ATL3: variants seen among roughly 807,000 people sequenced by gnomAD.
ATL3 encodes atlastin GTPase 3.
A neutral mutation model predicts 69.5 loss-of-function variants in ATL3; 49 were observed. That is an observed-to-expected ratio of 0.71 (90% CI 0.56 to 0.89). ATL3 has a LOEUF of 0.89. ATL3 is among the 40% of genes least tolerant of loss of function. The pLI is 0.00. For synonymous variants in ATL3, 214 were observed against 224.1 expected (o/e 0.95, Z 0.40); for missense variants, 606 against 645.7 (o/e 0.94, Z 0.67).
At chr11:63,649,202 A>G (rs1009940625) in intron 5 of ATL3, among the ~76,000 whole-genome samples, 2 of 152,220 alleles carry the variant, frequency 1.3e-5, no homozygotes, top group Non-Finnish European at 2.9e-5. Flanking sequence ...TTCAACTGAC[A>G]TGAAGCTTTT....
chr11:63,632,509 A>G (rs936743316), intron 11 of ATL3: 46 of 851,648 alleles, frequency 5.4e-5, no homozygotes, highest in Non-Finnish European at 7.0e-5. Context: ...CCTCACCACT[A>G]GTCCATCAGA....
chr11:63,664,514 T>G (rs896784232), intron 1 of ATL3, among the ~76,000 whole-genome samples: 1 of 151,636 alleles, frequency 6.6e-6, no homozygotes. Flanking sequence ...CACTCTAGCC[T>G]GGGCAACAGA....
intron 1 of ATL3, chr11:63,670,219 T>C (rs1940729232): frequency 6.6e-6 from 1 of 152,124 alleles, no homozygotes; most frequent in Admixed American, 6.6e-5. Context: ...CAAGCTAATC[T>C]CTGTGGGAAT....
chr11:63,654,766 G>A (rs572877731), intron 3 of ATL3, among the ~76,000 whole-genome samples: 1 of 142,640 alleles, frequency 7.0e-6, no homozygotes, highest in Non-Finnish European at 1.5e-5. Context: ...GCGCAACCTC[G>A]GCTCACCACA....
In ATL3 at chr11:63,640,214, C is replaced by T. The variant is rs144752110; in HGVS notation, c.850+3143G>A. Among the ~76,000 whole-genome samples the T allele has an allele frequency of 1.4e-3, 216 of 152,276 alleles. 2 individuals carry two copies. The highest frequency in any genetic ancestry group is 5.1e-3 in the African/African-American group (211 of 41,548). On this transcript the variant is annotated intron_variant, in intron 8 of 12. Transcript: ENST00000398868. Reference sequence around the variant, plus strand: ...AACTGGGATTACAAGCGTGAGCTACCGCACCCGGCCTCTACCTTATCCTTT... The same window carrying T: ...AACTGGGATTACAAGCGTGAGCTACTGCACCCGGCCTCTACCTTATCCTTT...
At chr11:63,647,071 C>G (rs773315504) in intron 5 of ATL3, among the ~76,000 whole-genome samples, 1 of 152,196 alleles carries the variant, frequency 6.6e-6, no homozygotes, top group Non-Finnish European at 1.5e-5. Flanking sequence ...TCCCAAATTT[C>G]CTCATGATCT....
At position 63,631,130 on chromosome 11, in the gene ATL3, T is replaced by C. The variant is rs1435825471; in HGVS notation, c.1449A>G (p.Ala483=). The C allele has an allele frequency of 6.2e-7, 1 of 1,613,738 alleles. No homozygotes were observed. Among genetic ancestry groups the C allele is most frequent in the Non-Finnish European group, 8.5e-7 (1 of 1,179,954 alleles). ...FNCMVGLLLI[A]LLTWGYIRYS... ...ACCTGATGTAGCCCCAGGTGAGGAG[T>C]GCTATTAACAGTAGTCCAACCATAC... Residue 483 remains alanine (A), a synonymous_variant, in exon 12 of 13, where the codon GCA becomes GCG. Coordinates refer to ENST00000398868, the MANE Select transcript of ATL3 (RefSeq NM_015459.5).
chr11:63,662,533 G>A (rs1940452406), intron 1 of ATL3, among the ~76,000 whole-genome samples: 1 of 152,222 alleles, frequency 6.6e-6, no homozygotes, highest in Non-Finnish European at 1.5e-5. Flanking sequence ...AGGCTGGAGT[G>A]CAATGGCACA....
At chr11:63,665,288 G>A (rs187062083) in intron 1 of ATL3, among the ~76,000 whole-genome samples, 23 of 151,652 alleles carry the variant, frequency 1.5e-4, no homozygotes, top group Non-Finnish European at 2.8e-4. Flanking sequence ...GGAGGTTGCG[G>A]TGAGCTGAGA....
Position 63,631,458 on chromosome 11 carries a change from T to C in ATL3, c.1121A>G (p.Glu374Gly). 1 of 1,603,656 alleles carries C rather than the reference T, an allele frequency of 6.2e-7. No individual in the cohort carries two copies. The highest frequency in any genetic ancestry group is 8.5e-7 in the Non-Finnish European group (1 of 1,174,868). The change falls in exon 12 of 13, where the codon GAG (glutamate) becomes GGG (glycine). Residue 374 changes from glutamate (E) to glycine (G), a missense_variant. Physicochemically the swap from Glu to Gly is moderately conservative, Grantham distance 98 (BLOSUM62 -2). Coordinates refer to ENST00000398868, the MANE Select transcript of ATL3 (RefSeq NM_015459.5). ...YNNMEEVCGG[E>G]KPYLSPDILE... ...AATGTCTGGAGACAAATAAGGTTTC[T>C]CTCCCCCACAAACCTAAAAAGAACA...
intron 8 of ATL3, among the ~76,000 whole-genome samples, chr11:63,638,301 C>T (rs1386615710): frequency 6.6e-6 from 1 of 152,188 alleles, no homozygotes; most frequent in African/African-American, 2.4e-5. Flanking sequence ...AACTAAACAA[C>T]TCAGTAGTTA....
At chr11:63,633,747 T>A (rs1590719006) in intron 10 of ATL3, among the ~76,000 whole-genome samples, 1 of 147,514 alleles carries the variant, frequency 6.8e-6, no homozygotes, top group South Asian at 2.1e-4. Flanking sequence ...GAAGGAAAGG[T>A]TGGGCGTGGT....
rs774656466 is a variant in ATL3 at position 63,631,358 on chromosome 11, C to T, written c.1221G>A (p.Lys407=). Residue 407 remains lysine, a synonymous_variant, in exon 12 of 13, where the codon AAG becomes AAA. Coordinates refer to ENST00000398868, the MANE Select transcript of ATL3 (RefSeq NM_015459.5). ...HFKKTKKMGG[K]DFSFRYQQEL... is the part of the protein sequence containing the mutation. Reference sequence around the variant, plus strand: ...CCTGCTGGTAACGAAAGCTGAAATCCTTCCCACCCATCTTCTTGGTCTTCT... The same window carrying T: ...CCTGCTGGTAACGAAAGCTGAAATCTTTCCCACCCATCTTCTTGGTCTTCT... 17 of 1,614,074 alleles carry T rather than the reference C, an allele frequency of 1.1e-5. No homozygotes were observed. In the Admixed American group the frequency reaches 2.2e-4, roughly 21 times the overall value.
rs866635213 is a variant in ATL3 at position 63,625,206 on chromosome 11, C to G, written c.*4113G>C. The stretch of plus-strand genomic sequence containing the variant: ...AAATTAATCACACAAATAGTTTGTA[C>G]TTTCATAACTGAAGCTTGTCTTCAT... On this transcript the variant is annotated 3_prime_UTR_variant, in exon 13 of 13. Coordinates refer to ENST00000398868, the MANE Select transcript of ATL3 (RefSeq NM_015459.5). The G allele has an allele frequency of 6.6e-6, 1 of 152,176 alleles. No homozygotes were observed. Among genetic ancestry groups the G allele is most frequent in the East Asian group, 1.9e-4 (1 of 5,200 alleles). The allele number at this position is 152,176 out of a possible 1,614,324, so 9.4% of individuals were successfully genotyped here.
intron 3 of ATL3, among the ~76,000 whole-genome samples, chr11:63,657,208 C>CAAAA (rs1254213240): frequency 0.18 from 10,948 of 59,548 alleles, 604 homozygotes; most frequent in Middle Eastern, 0.23. Context: ...GACTACATCT[C>CAAAA]AAAAAAAAAA....
intron 1 of ATL3, among the ~76,000 whole-genome samples, chr11:63,669,019 G>T (rs574116501): frequency 2.1e-5 from 3 of 139,958 alleles, no homozygotes; most frequent in Non-Finnish European, 4.7e-5. Flanking sequence ...TTGGGTGGGG[G>T]GGGGCGTCTC....
chr11:63,652,695 A>G, intron 3 of ATL3, 120 bp from the exon 4 acceptor site: 2 of 599,366 alleles, frequency 3.3e-6, no homozygotes, highest in East Asian at 2.9e-5. Context: ...TGTGAGCCTT[A>G]AGCACCTGCT....
chr11:63,632,247 C>T (rs1230368061), intron 11 of ATL3: 1 of 724,390 alleles, frequency 1.4e-6, no homozygotes, highest in Non-Finnish European at 2.6e-6. Flanking sequence ...CTGGGGAAAC[C>T]TTCTGACTTG....
At chr11:63,642,672 T>C (rs1307299725) in intron 8 of ATL3, among the ~76,000 whole-genome samples, 4 of 152,198 alleles carry the variant, frequency 2.6e-5, no homozygotes, top group African/African-American at 9.6e-5. Flanking sequence ...TTTCCTCACA[T>C]ATAAGATAAA....
Sources: gnomAD v4.1 joint callset for allele counts (sites outside exome capture counted in the v4.1 genomes callset) on GRCh38, gnomAD v4.1.1 for gene constraint, MANE v1.5 for transcripts, NCBI Gene and HGNC (gene_info 2026-07-23, HGNC 2026-07-21) for gene names.